Variants in PHACTR4 observed in about 807,000 individuals in gnomAD.
PHACTR4 encodes protein phosphatase 1, regulatory subunit 124.
PHACTR4 carries 51 observed loss-of-function variants against 72.7 expected under a neutral mutation model. The observed-to-expected ratio is 0.70, with a 90% CI of 0.56 to 0.89. The LOEUF (loss-of-function observed/expected upper bound fraction) is 0.89. Ranked by LOEUF, PHACTR4 falls within the 40% of genes least tolerant of loss-of-function variation. The pLI is 0.00. For missense variants in PHACTR4, 731 were observed against 861.8 expected (o/e 0.85, Z 1.90); for synonymous variants, 255 against 302.5 (o/e 0.84, Z 1.63).
At chr1:28,421,067 G>T (rs1655475363) in intron 2 of PHACTR4, among the ~76,000 whole-genome samples, 1 of 152,132 alleles carries the variant, frequency 6.6e-6, no homozygotes, top group South Asian at 2.1e-4. Flanking sequence ...CAATTTGTCA[G>T]TTTTTGTACC....
chr1:28,431,582 C>T (rs1339327011), intron 2 of PHACTR4, among the ~76,000 whole-genome samples: 3 of 151,938 alleles, frequency 2.0e-5, no homozygotes, highest in East Asian at 3.9e-4. Flanking sequence ...AAAAGCTTAC[C>T]GTGATCTCAG....
intron 2 of PHACTR4, among the ~76,000 whole-genome samples, chr1:28,446,647 C>T (rs997981188): frequency 1.1e-4 from 17 of 152,056 alleles, no homozygotes; most frequent in Middle Eastern, 3.4e-3. Flanking sequence ...GGCATGGTGG[C>T]GTGTGCCTGT....
At chr1:28,481,880 T>A (rs533082088) in intron 9 of PHACTR4, among the ~76,000 whole-genome samples, 8 of 152,156 alleles carry the variant, frequency 5.3e-5, no homozygotes, top group African/African-American at 1.7e-4. Context: ...AAGATGTAGC[T>A]GCCTGTGAGA....
rs1557841078 is a variant in PHACTR4, at chr1:28,476,090, T to C, written c.1422-17T>C. On this transcript the variant is annotated splice_polypyrimidine_tract_variant and intron_variant, in intron 7 of 13. Coordinates refer to ENST00000373839, the MANE Select transcript of PHACTR4 (RefSeq NM_001048183.3). ...CTTCATTTCTAAAAGGAAAATATAA[T>C]TATGTTAATTTGTTAGTCCAGACGA... 2 of 1,579,868 alleles carry C rather than the reference T, an allele frequency of 1.3e-6. No homozygotes were observed. Among genetic ancestry groups the C allele is most frequent in the South Asian group, 2.4e-5 (2 of 85,020 alleles).
intron 1 of PHACTR4, among the ~76,000 whole-genome samples, chr1:28,395,257 T>C (rs1653401458): frequency 1.5e-4 from 1 of 6,722 alleles, no homozygotes; most frequent in Non-Finnish European, 0.014. Context: ...TTCCTCAAAA[T>C]GTGATACATA....
intron 11 of PHACTR4, 49 bp downstream of exon 11, chr1:28,491,061 G>A (rs1424335726): frequency 1.3e-6 from 2 of 1,557,344 alleles, no homozygotes; most frequent in East Asian, 2.3e-5. Flanking sequence ...TATTTGGATG[G>A]CCTATTTGAT....
chr1:28,433,943 G>A (rs1177334312), intron 2 of PHACTR4, among the ~76,000 whole-genome samples: 2 of 151,882 alleles, frequency 1.3e-5, no homozygotes, highest in South Asian at 2.1e-4. Flanking sequence ...ACCACGCCCG[G>A]CTAATATTTG....
intron 1 of PHACTR4, among the ~76,000 whole-genome samples, chr1:28,403,748 C>T (rs372654049): frequency 2.0e-5 from 3 of 152,150 alleles, no homozygotes; most frequent in East Asian, 3.9e-4. Flanking sequence ...CTCCTCCCCA[C>T]CCACCCCCAA....
rs1471682432 is a variant in PHACTR4 at position 28,498,726 on chromosome 1, AT to A, written c.*2181del. The A allele has an allele frequency of 6.6e-6, 1 of 151,962 alleles. No homozygotes were observed. Among genetic ancestry groups the A allele is most frequent in the Non-Finnish European group, 1.5e-5 (1 of 68,008 alleles). The allele number at this position is 151,962 out of a possible 1,614,324, so 9.4% of individuals were successfully genotyped here. A position where few individuals can be genotyped will look rare whatever the true frequency, so the allele number is the denominator to read the frequency against. On this transcript the variant is annotated 3_prime_UTR_variant, in exon 14 of 14. Coordinates refer to ENST00000373839, the MANE Select transcript of PHACTR4 (RefSeq NM_001048183.3). ...TGTTCTTTATGTAATCTTTCAGTAG[AT>A]TTTCATCCTTTCATATCCACATTCT...
At chr1:28,491,325 G>A (rs144514075) in intron 11 of PHACTR4, among the ~76,000 whole-genome samples, 1 of 152,012 alleles carries the variant, frequency 6.6e-6, no homozygotes, top group Non-Finnish European at 1.5e-5. Context: ...AGGCATGGTG[G>A]TATGCGCCTG....
rs1354143042 is a variant in PHACTR4, at chr1:28,484,572, TATGTAATATATATGTGTAC to T, written c.1760+3969_1760+3987del. Among the ~76,000 whole-genome samples the T allele has an allele frequency of 2.6e-5, 4 of 151,846 alleles. No individual in the cohort carries two copies. In the East Asian group the frequency reaches 7.7e-4, roughly 29 times the overall value. ...TGTGTGTATGTAATATATATGTGTG[TATGTAATATATATGTGTAC>T]GTGTGTGTATATATGTCCATATATA... On this transcript the variant is annotated intron_variant, in intron 9 of 13. Transcript: ENST00000373839.
chr1:28,389,095 A>G (rs934861043), intron 1 of PHACTR4, among the ~76,000 whole-genome samples: 3 of 152,170 alleles, frequency 2.0e-5, no homozygotes, highest in Non-Finnish European at 2.9e-5. Flanking sequence ...ATGGGAGAAA[A>G]TATTTGTAAA....
chr1:28,397,317 G>T (rs1372652239), intron 1 of PHACTR4, among the ~76,000 whole-genome samples: 1 of 152,054 alleles, frequency 6.6e-6, no homozygotes, highest in Non-Finnish European at 1.5e-5. Flanking sequence ...AAGACAAGAA[G>T]GTTAAATTAT....
At chr1:28,386,042 T>A (rs1177346969) in intron 1 of PHACTR4, among the ~76,000 whole-genome samples, 1 of 152,190 alleles carries the variant, frequency 6.6e-6, no homozygotes, top group Non-Finnish European at 1.5e-5. Context: ...TGCAACCAAT[T>A]TTAGAGTATA....
At chr1:28,386,423 G>C (rs1220730569) in intron 1 of PHACTR4, among the ~76,000 whole-genome samples, 1 of 152,074 alleles carries the variant, frequency 6.6e-6, no homozygotes, top group Admixed American at 6.6e-5. Flanking sequence ...GGAGGGTTCT[G>C]TAGGTGTCTT....
At position 28,476,092 on chromosome 1, in the gene PHACTR4, A is replaced by T; in HGVS notation, c.1422-15A>T. On this transcript the variant is annotated splice_polypyrimidine_tract_variant and intron_variant, in intron 7 of 13. Transcript: ENST00000373839. Reference sequence around the variant, plus strand: ...TCATTTCTAAAAGGAAAATATAATTATGTTAATTTGTTAGTCCAGACGATG... The same window carrying T: ...TCATTTCTAAAAGGAAAATATAATTTTGTTAATTTGTTAGTCCAGACGATG... The T allele has an allele frequency of 3.2e-6, 5 of 1,581,620 alleles. No homozygotes were observed. The highest frequency in any genetic ancestry group is 4.3e-6 in the Non-Finnish European group (5 of 1,169,724).
chr1:28,401,652 C>A (rs1488653382), intron 1 of PHACTR4, among the ~76,000 whole-genome samples: 2 of 152,016 alleles, frequency 1.3e-5, no homozygotes, highest in Non-Finnish European at 2.9e-5. Context: ...GTTGCCCATG[C>A]TGGAGTGCCG....
intron 6 of PHACTR4, among the ~76,000 whole-genome samples, chr1:28,468,356 A>G (rs1659344031): frequency 6.6e-6 from 1 of 152,084 alleles, no homozygotes; most frequent in Non-Finnish European, 1.5e-5. Flanking sequence ...TTTGGGAGGC[A>G]GAGGCGGGTG....
At chr1:28,490,196 T>A (rs1018097943) in intron 10 of PHACTR4, among the ~76,000 whole-genome samples, 2 of 152,200 alleles carry the variant, frequency 1.3e-5, no homozygotes, top group African/African-American at 2.4e-5. Context: ...TGCTGACTCT[T>A]GCTTTTAAGT....
Sources: gnomAD v4.1 joint callset for allele counts (sites outside exome capture counted in the v4.1 genomes callset) on GRCh38, gnomAD v4.1.1 for gene constraint, MANE v1.5 for transcripts, NCBI Gene and HGNC (gene_info 2026-07-23, HGNC 2026-07-21) for gene names.